The following SHISA9 variants were observed in gnomAD, a reference collection of about 807,000 sequenced individuals.
SHISA9 encodes the protein shisa family member 9, also known as protein shisa-9.
SHISA9 carries 13 observed loss-of-function variants against 38.0 expected under a neutral mutation model. The ratio of observed to expected loss-of-function variants is 0.34; its 90% CI spans 0.22 to 0.54. The LOEUF (loss-of-function observed/expected upper bound fraction) is 0.54, where lower values mean the gene tolerates loss of function less well. SHISA9 is among the 20% of genes least tolerant of loss of function. The pLI, the probability that SHISA9 is intolerant of heterozygous loss-of-function variation, is 0.91. For synonymous variants in SHISA9, 275 were observed against 242.0 expected (o/e 1.14, Z -1.27); for missense variants, 538 against 575.8 (o/e 0.93, Z 0.67).
chr16:13,552,650 C>A, the SHISA9 span, among the ~76,000 whole-genome samples: 1 of 152,160 alleles, frequency 6.6e-6, no homozygotes, highest in Admixed American at 6.5e-5. Context: ...CTATTTAAAG[C>A]CAGGTTGGCT....
chr16:13,142,080 T>G (rs1038903759), intron 2 of SHISA9, among the ~76,000 whole-genome samples: 1 of 152,208 alleles, frequency 6.6e-6, no homozygotes, highest in Non-Finnish European at 1.5e-5. Flanking sequence ...AACATTACAG[T>G]GTCCCCATTC....
intron 2 of SHISA9, among the ~76,000 whole-genome samples, chr16:13,171,421 T>C (rs2050685390): frequency 6.6e-6 from 1 of 150,584 alleles, no homozygotes; most frequent in East Asian, 2.0e-4. Context: ...ATGGGGTAGA[T>C]GTCATGGAGG....
intron 2 of SHISA9, among the ~76,000 whole-genome samples, chr16:13,090,358 G>C (rs756057652): frequency 6.6e-6 from 1 of 152,088 alleles, no homozygotes; most frequent in Non-Finnish European, 1.5e-5. Flanking sequence ...GGATATCCTC[G>C]TTAACCTTCT....
intron 2 of SHISA9, among the ~76,000 whole-genome samples, chr16:13,057,005 G>A (rs2073318484): frequency 6.6e-6 from 1 of 152,158 alleles, no homozygotes; most frequent in South Asian, 2.1e-4. Flanking sequence ...CTAGCAAAGG[G>A]GAGTATGGGG....
the SHISA9 span, among the ~76,000 whole-genome samples, chr16:13,490,598 A>C: frequency 6.6e-6 from 1 of 152,160 alleles, no homozygotes; most frequent in South Asian, 2.1e-4. Context: ...ACAGAACCTG[A>C]AGCCCCTTTG....
the SHISA9 span, among the ~76,000 whole-genome samples, chr16:13,319,023 TGA>T: frequency 1.3e-5 from 2 of 152,226 alleles, no homozygotes; most frequent in African/African-American, 4.8e-5. Context: ...TTATTTTATT[TGA>T]GAGAGTCTCA....
chr16:13,281,786 A>T, the SHISA9 span, among the ~76,000 whole-genome samples: 2 of 149,792 alleles, frequency 1.3e-5, no homozygotes, highest in Non-Finnish European at 1.5e-5. Flanking sequence ...TTCTTTTTCC[A>T]TTTTTTTCCC....
intron 2 of SHISA9, among the ~76,000 whole-genome samples, chr16:13,003,041 T>C (rs2072545991): frequency 6.6e-6 from 1 of 152,132 alleles, no homozygotes; most frequent in African/African-American, 2.4e-5. Context: ...GAAGGAATAG[T>C]TGGTGTTGGC....
At chr16:13,443,316 G>C in the SHISA9 span, among the ~76,000 whole-genome samples, 1 of 152,164 alleles carries the variant, frequency 6.6e-6, no homozygotes, top group Admixed American at 6.5e-5. Flanking sequence ...GTTTGGGAGA[G>C]GATGTCATAT....
the SHISA9 span, among the ~76,000 whole-genome samples, chr16:13,470,387 C>T: frequency 2.6e-5 from 4 of 152,088 alleles, no homozygotes; most frequent in Non-Finnish European, 5.9e-5. Flanking sequence ...AAGACATACC[C>T]GAGACTGGGT....
At chr16:13,488,196 C>G in the SHISA9 span, among the ~76,000 whole-genome samples, 1 of 151,800 alleles carries the variant, frequency 6.6e-6, no homozygotes, top group East Asian at 1.9e-4. Context: ...GACCATTCTT[C>G]CCCCCAGATT....
intron 2 of SHISA9, among the ~76,000 whole-genome samples, chr16:12,929,070 A>C (rs896892484): frequency 2.0e-5 from 3 of 152,242 alleles, no homozygotes; most frequent in Admixed American, 2.0e-4. Flanking sequence ...AGAGAAATGC[A>C]AATGAAAGCC....
the SHISA9 span, among the ~76,000 whole-genome samples, chr16:13,374,168 C>CT: frequency 3.0e-3 from 437 of 144,316 alleles, 3 homozygotes; most frequent in African/African-American, 9.3e-3. Context: ...ATTTTTTTTT[C>CT]TTTTTTTTTT....
At chr16:13,046,848 G>C (rs372190028) in intron 2 of SHISA9, among the ~76,000 whole-genome samples, 3 of 152,144 alleles carry the variant, frequency 2.0e-5, no homozygotes, top group East Asian at 1.9e-4. Flanking sequence ...GCATGGCCTG[G>C]CTGGTTTCTG....
At chr16:13,200,478 C>G (rs1409071546) in intron 2 of SHISA9, among the ~76,000 whole-genome samples, 1 of 149,986 alleles carries the variant, frequency 6.7e-6, no homozygotes, top group African/African-American at 2.5e-5. Flanking sequence ...ACAATGAGAA[C>G]TTAACAGTAA....
intron 2 of SHISA9, among the ~76,000 whole-genome samples, chr16:12,979,240 A>G (rs1007086639): frequency 1.3e-5 from 2 of 151,728 alleles, no homozygotes; most frequent in Non-Finnish European, 2.9e-5. Flanking sequence ...CAAAGTAATG[A>G]TTAATTCCAG....
At chr16:13,532,051 C>T in the SHISA9 span, among the ~76,000 whole-genome samples, 1 of 152,188 alleles carries the variant, frequency 6.6e-6, no homozygotes, top group Non-Finnish European at 1.5e-5. Context: ...TCTAAGGAGT[C>T]TGATGATAAC....
At chr16:13,409,485 C>G in the SHISA9 span, among the ~76,000 whole-genome samples, 1 of 152,350 alleles carries the variant, frequency 6.6e-6, no homozygotes, top group Admixed American at 6.5e-5. Context: ...CTGCACCTGT[C>G]CCTCTGCATG....
At chr16:13,346,222 TTC>T in the SHISA9 span, among the ~76,000 whole-genome samples, 1 of 152,200 alleles carries the variant, frequency 6.6e-6, no homozygotes, top group Non-Finnish European at 1.5e-5. Context: ...GTATTTGACT[TTC>T]TGTTTCTGAG....
Sources: allele counts gnomAD v4.1 joint callset (sites outside exome capture counted in the v4.1 genomes callset), GRCh38; gene constraint gnomAD v4.1.1; transcripts MANE v1.5; gene names NCBI Gene and HGNC (gene_info 2026-07-23, HGNC 2026-07-21).